Variants in SEC23A observed in about 807,000 individuals in gnomAD.
The protein encoded by SEC23A is protein transport protein Sec23A.
A neutral mutation model predicts 103.7 loss-of-function variants in SEC23A; 56 were observed. That is an observed-to-expected ratio of 0.54 (90% CI 0.44 to 0.67). SEC23A has a LOEUF of 0.67. SEC23A is among the 30% of genes least tolerant of loss of function. The pLI, the probability that SEC23A is intolerant of heterozygous loss-of-function variation, is 0.00. For missense variants in SEC23A, 784 were observed against 936.4 expected (o/e 0.84, Z 2.12); for synonymous variants, 281 against 293.0 (o/e 0.96, Z 0.42).
chr14:39,067,359 C>G, intron 9 of SEC23A, 63 bp from the exon 10 acceptor site: 1 of 1,587,352 alleles, frequency 6.3e-7, no homozygotes, highest in Non-Finnish European at 8.6e-7. Flanking sequence ...GTGTTAAAAT[C>G]GTAGAAGAAA....
At chr14:39,050,786 A>G (rs889404042) in intron 14 of SEC23A, among the ~76,000 whole-genome samples, 2 of 149,118 alleles carry the variant, frequency 1.3e-5, no homozygotes, top group African/African-American at 4.9e-5. Context: ...GCAAGATCCC[A>G]TCTCAAAAGA....
chr14:39,102,653 G>A (rs1028748165), intron 1 of SEC23A, among the ~76,000 whole-genome samples: 1 of 151,592 alleles, frequency 6.6e-6, no homozygotes, highest in Non-Finnish European at 1.5e-5. Context: ...AGTCAATTGG[G>A]TTCAAAGTCT....
intron 9 of SEC23A, among the ~76,000 whole-genome samples, chr14:39,073,193 A>C (rs1298639119): frequency 6.6e-6 from 1 of 152,162 alleles, no homozygotes; most frequent in Non-Finnish European, 1.5e-5. Context: ...TCAGCAGTAA[A>C]AATAAAATAA....
At chr14:39,082,058 G>A (rs1887246541) in intron 7 of SEC23A, among the ~76,000 whole-genome samples, 1 of 151,996 alleles carries the variant, frequency 6.6e-6, no homozygotes, top group Non-Finnish European at 1.5e-5. Context: ...ATACCAGAAA[G>A]GAAGTATTTA....
At chr14:39,069,853 C>G (rs1465066754) in intron 9 of SEC23A, among the ~76,000 whole-genome samples, 1 of 152,182 alleles carries the variant, frequency 6.6e-6, no homozygotes, top group Non-Finnish European at 1.5e-5. Flanking sequence ...TTGCTTACAT[C>G]TTTGCTAAAA....
chr14:39,047,372 G>A, intron 15 of SEC23A: 5 of 1,287,582 alleles, frequency 3.9e-6, no homozygotes, highest in Non-Finnish European at 5.1e-6. Context: ...CATGCCTTAA[G>A]ACAAGCAGAC....
intron 3 of SEC23A, 155 bp from the exon 4 acceptor site, chr14:39,092,782 AT>A: frequency 1.7e-6 from 1 of 595,630 alleles, no homozygotes; most frequent in South Asian, 2.2e-5. Flanking sequence ...TTAAATATGC[AT>A]TTTTCTACAT....
intron 13 of SEC23A, 21 bp from the exon 14 acceptor site, chr14:39,055,317 T>C (rs566434876): frequency 1.8e-5 from 29 of 1,612,958 alleles, no homozygotes; most frequent in South Asian, 1.2e-4. Flanking sequence ...TAAGAAAGCA[T>C]AGAAATGCTT....
chr14:39,062,656 T>G (rs991499236), intron 12 of SEC23A, among the ~76,000 whole-genome samples: 13 of 151,682 alleles, frequency 8.6e-5, no homozygotes, highest in Non-Finnish European at 1.6e-4. Flanking sequence ...ACATTCTTGC[T>G]TTGTTTTTGT....
intron 14 of SEC23A, among the ~76,000 whole-genome samples, chr14:39,054,305 A>C (rs1886169398): frequency 1.3e-5 from 2 of 152,176 alleles, no homozygotes; most frequent in South Asian, 4.1e-4. Flanking sequence ...AGCTTAATCA[A>C]GTGCTCTGTG....
intron 19 of SEC23A, among the ~76,000 whole-genome samples, chr14:39,034,377 A>C (rs1445528486): frequency 6.6e-6 from 1 of 152,218 alleles, no homozygotes; most frequent in Non-Finnish European, 1.5e-5. Context: ...AGCAAACAGA[A>C]CAGTACCTAG....
At position 39,055,225 on chromosome 14, in the gene SEC23A, A is replaced by G. The variant is rs775644647; in HGVS notation, c.1577T>C (p.Met526Thr). The change falls in exon 14 of 20, where the codon ATG becomes ACG. Residue 526 changes from methionine to threonine, a missense_variant. Met to Thr is a moderately conservative substitution (Grantham distance 81). Transcript: ENST00000307712. ...TGCTCTATATATTGCTAGCCGGGCC[A>G]TAAGAATGGCAGCTGCCTCCTGGTC... ...SFDQEAAAILMARLAIYRAET... is the reference protein window; with the variant it reads ...SFDQEAAAILTARLAIYRAET... 24 of 1,614,080 alleles carry G rather than the reference A, an allele frequency of 1.5e-5. No individual in the cohort carries two copies. Among genetic ancestry groups the G allele is most frequent in the East Asian group, 2.2e-5 (1 of 44,894 alleles).
chr14:39,087,659 T>C (rs1887487935), intron 5 of SEC23A: 1 of 152,548 alleles, frequency 6.6e-6, no homozygotes, highest in African/African-American at 2.4e-5. Context: ...AAATTTTTCT[T>C]GAATCTAGAA....
At chr14:39,076,476 AGTGCTGGACTTTAACTCCT>A (rs1179044318) in intron 7 of SEC23A, among the ~76,000 whole-genome samples, 1 of 145,836 alleles carries the variant, frequency 6.9e-6, no homozygotes, top group Non-Finnish European at 1.5e-5. Context: ...CCATGTTGCC[AGTGCTGGACTTTAACTCCT>A]GGGCTCAAGT....
At chr14:39,049,944 A>G (rs986233083) in intron 14 of SEC23A, among the ~76,000 whole-genome samples, 4 of 151,668 alleles carry the variant, frequency 2.6e-5, no homozygotes, top group African/African-American at 9.7e-5. Flanking sequence ...AATTTTTTGT[A>G]TTTTTATTAG....
At chr14:39,102,211 G>A (rs530441557) in intron 1 of SEC23A, among the ~76,000 whole-genome samples, 83 of 151,650 alleles carry the variant, frequency 5.5e-4, no homozygotes, top group South Asian at 1.0e-3. Flanking sequence ...CAGCCTGGGC[G>A]ACAAAGCAAG....
intron 7 of SEC23A, among the ~76,000 whole-genome samples, chr14:39,080,322 A>C (rs1020897295): frequency 2.6e-5 from 4 of 152,248 alleles, no homozygotes; most frequent in Non-Finnish European, 2.9e-5. Context: ...AAAGAAAAAA[A>C]CCAAGAGAAT....
At chr14:39,045,380 TTAC>T in intron 15 of SEC23A, 56 bp from the exon 16 acceptor site, 1 of 1,315,174 alleles carries the variant, frequency 7.6e-7, no homozygotes. Context: ...AAACAGGTGT[TTAC>T]TATTAGCAAA....
intron 14 of SEC23A, among the ~76,000 whole-genome samples, chr14:39,052,600 A>C (rs920208607): frequency 6.6e-6 from 1 of 152,202 alleles, no homozygotes; most frequent in Non-Finnish European, 1.5e-5. Context: ...AAAATGGAAA[A>C]AGCCCTTTAC....
Sources: gnomAD v4.1 joint callset for allele counts (sites outside exome capture counted in the v4.1 genomes callset) on GRCh38, gnomAD v4.1.1 for gene constraint, MANE v1.5 for transcripts, NCBI Gene and HGNC (gene_info 2026-07-23, HGNC 2026-07-21) for gene names.